The following MYO16 variants were observed in gnomAD, a reference collection of about 807,000 sequenced individuals.
MYO16 encodes unconventional myosin-XVI.
MYO16 carries 94 observed loss-of-function variants against 205.3 expected under a neutral mutation model. That is an observed-to-expected ratio of 0.46 (90% CI 0.39 to 0.54). MYO16 has a LOEUF of 0.54. Ranked by LOEUF, MYO16 falls within the 20% of genes least tolerant of loss-of-function variation. The pLI is 0.00. For missense variants in MYO16, 2,315 were observed against 2,387.5 expected (o/e 0.97, Z 0.63); for synonymous variants, 988 against 954.0 (o/e 1.04, Z -0.66).
chr13:108,638,574 C>T (rs757324526), intron 1 of MYO16, among the ~76,000 whole-genome samples: 1 of 152,062 alleles, frequency 6.6e-6, no homozygotes, highest in African/African-American at 2.4e-5. Context: ...CTTAACCTCT[C>T]GCTGCTTGCT....
At chr13:108,542,415 C>G in the MYO16 span, among the ~76,000 whole-genome samples, 4 of 152,108 alleles carry the variant, frequency 2.6e-5, no homozygotes, top group Non-Finnish European at 5.9e-5. Context: ...ACCCCCAACC[C>G]CCGTCACAAG....
At chr13:109,010,037 C>T (rs1350300431) in intron 22 of MYO16, among the ~76,000 whole-genome samples, 4 of 152,190 alleles carry the variant, frequency 2.6e-5, no homozygotes, top group African/African-American at 9.6e-5. Flanking sequence ...AGAATAAAAA[C>T]TTGCATGGGC....
intron 27 of MYO16, among the ~76,000 whole-genome samples, chr13:109,088,388 A>G (rs962219647): frequency 2.0e-5 from 3 of 152,238 alleles, no homozygotes; most frequent in African/African-American, 7.2e-5. Context: ...GAATAAATAC[A>G]ATGTTGTTAT....
intron 27 of MYO16, among the ~76,000 whole-genome samples, chr13:109,094,684 C>T (rs1394092833): frequency 6.6e-6 from 1 of 152,112 alleles, no homozygotes; most frequent in Non-Finnish European, 1.5e-5. Flanking sequence ...TAGCCCCCAA[C>T]CCCTTGACAG....
chr13:109,146,233 C>T (rs1877322702), intron 32 of MYO16, among the ~76,000 whole-genome samples: 1 of 152,152 alleles, frequency 6.6e-6, no homozygotes, highest in Admixed American at 6.5e-5. Context: ...TATTTGATTA[C>T]ATAAATATTC....
intron 33 of MYO16, among the ~76,000 whole-genome samples, chr13:109,173,317 G>C (rs1332984610): frequency 6.6e-6 from 1 of 152,290 alleles, no homozygotes; most frequent in South Asian, 2.1e-4. Context: ...AAGGCAGTCA[G>C]CAATAATGTC....
At chr13:109,160,403 T>A (rs1260585920) in intron 32 of MYO16, among the ~76,000 whole-genome samples, 1 of 152,210 alleles carries the variant, frequency 6.6e-6, no homozygotes, top group Non-Finnish European at 1.5e-5. Context: ...GGCCAAGACT[T>A]TATTTTTGAG....
intron 4 of MYO16, among the ~76,000 whole-genome samples, chr13:108,768,164 CT>C (rs1376337777): frequency 6.6e-6 from 1 of 152,200 alleles, no homozygotes; most frequent in African/African-American, 2.4e-5. Flanking sequence ...TCTTCTCCCT[CT>C]TTTCCTCTCT....
At chr13:108,791,860 T>G (rs1224717590) in intron 5 of MYO16, among the ~76,000 whole-genome samples, 1 of 152,180 alleles carries the variant, frequency 6.6e-6, no homozygotes, top group Non-Finnish European at 1.5e-5. Flanking sequence ...CTACAGACAG[T>G]CATGTTCAGG....
At chr13:108,956,228 C>T (rs1883342792) in intron 16 of MYO16, among the ~76,000 whole-genome samples, 1 of 152,142 alleles carries the variant, frequency 6.6e-6, no homozygotes, top group Non-Finnish European at 1.5e-5. Context: ...CCTGTTTTCC[C>T]AGACAGAGAC....
chr13:108,625,131 T>C (rs919221264), upstream of MYO16, among the ~76,000 whole-genome samples: 2 of 152,184 alleles, frequency 1.3e-5, no homozygotes, highest in Non-Finnish European at 2.9e-5. Context: ...ATTGTAAATT[T>C]CTTCTCATTT....
chr13:109,092,361 G>C (rs1888650159), intron 27 of MYO16, among the ~76,000 whole-genome samples: 1 of 152,068 alleles, frequency 6.6e-6, no homozygotes, highest in South Asian at 2.1e-4. Flanking sequence ...ATTGGATAAA[G>C]AAAATGTGGT....
the MYO16 span, among the ~76,000 whole-genome samples, chr13:108,510,893 T>C: frequency 9.0e-5 from 1 of 11,098 alleles, no homozygotes; most frequent in South Asian, 2.7e-3. Context: ...TTTGGGTTGG[T>C]TCCAAGTCTT....
chr13:108,977,441 G>A (rs1884303322), intron 20 of MYO16, among the ~76,000 whole-genome samples: 1 of 152,190 alleles, frequency 6.6e-6, no homozygotes, highest in Non-Finnish European at 1.5e-5. Flanking sequence ...TGCAAGCGAA[G>A]TCGACGTCTT....
chr13:108,501,016 T>G, the MYO16 span, among the ~76,000 whole-genome samples: 1 of 152,164 alleles, frequency 6.6e-6, no homozygotes, highest in South Asian at 2.1e-4. Flanking sequence ...TTCATCCCCC[T>G]GTACACTGGG....
intron 2 of MYO16, among the ~76,000 whole-genome samples, chr13:108,691,815 A>T (rs892800188): frequency 2.6e-5 from 4 of 152,212 alleles, no homozygotes; most frequent in Non-Finnish European, 4.4e-5. Flanking sequence ...TGCAGTCCAA[A>T]CTAAGTTGAT....
chr13:108,672,547 A>AT (rs1455192910), intron 2 of MYO16, among the ~76,000 whole-genome samples: 1 of 151,758 alleles, frequency 6.6e-6, no homozygotes, highest in Non-Finnish European at 1.5e-5. Context: ...TTATAAATGT[A>AT]TTTTTTTGTC....
At chr13:108,647,876 T>A (rs1056300229) in intron 1 of MYO16, among the ~76,000 whole-genome samples, 1 of 152,228 alleles carries the variant, frequency 6.6e-6, no homozygotes, top group Non-Finnish European at 1.5e-5. Flanking sequence ...ATTTGAATGA[T>A]TGAATACATT....
the MYO16 span, among the ~76,000 whole-genome samples, chr13:108,589,708 C>G: frequency 2.2e-4 from 34 of 152,188 alleles, no homozygotes; most frequent in African/African-American, 8.2e-4. Context: ...CTGTCTGTCT[C>G]TCTCTCTCTC....
Sources: gnomAD v4.1 joint callset for allele counts (sites outside exome capture counted in the v4.1 genomes callset) on GRCh38, gnomAD v4.1.1 for gene constraint, MANE v1.5 for transcripts, NCBI Gene and HGNC (gene_info 2026-07-23, HGNC 2026-07-21) for gene names.